Variants in HNMT observed in about 807,000 individuals in gnomAD.
The protein encoded by HNMT is histamine N-methyltransferase.
A neutral mutation model predicts 32.1 loss-of-function variants in HNMT; 30 were observed. The observed-to-expected ratio is 0.93, with a 90% CI of 0.70 to 1.27. HNMT has a LOEUF of 1.27. Ranked by LOEUF, HNMT falls within the 50% of genes most tolerant of loss-of-function variation. The pLI is 0.00. For synonymous variants in HNMT, 125 were observed against 119.0 expected (o/e 1.05, Z -0.33); for missense variants, 327 against 346.0 (o/e 0.95, Z 0.43).
rs2104998899 is a variant in HNMT at position 138,016,076 on chromosome 2, T to C, written c.*1946T>C. The stretch of plus-strand genomic sequence containing the variant: ...CTATCCCTGTTTTCTTCCTGCACTG[T>C]ATGATAATACCAAAATTTGGGACAG... On this transcript the variant is annotated 3_prime_UTR_variant, in exon 6 of 6. Coordinates refer to ENST00000280097, the MANE Select transcript of HNMT (RefSeq NM_006895.3). The C allele has an allele frequency of 6.6e-6, 1 of 152,250 alleles. No individual in the cohort carries two copies. Among genetic ancestry groups the C allele is most frequent in the Non-Finnish European group, 1.5e-5 (1 of 68,014 alleles). The allele number at this position is 152,250 out of a possible 1,614,324, so 9.4% of individuals were successfully genotyped here.
intron 2 of HNMT, 104 bp downstream of exon 2, chr2:137,970,321 G>A (rs761361580): frequency 8.6e-6 from 5 of 582,418 alleles, no homozygotes; most frequent in Middle Eastern, 4.2e-4. Context: ...TTTGCTTTTG[G>A]AAGAGATCGG....
intron 2 of HNMT, among the ~76,000 whole-genome samples, chr2:137,996,470 C>A (rs1184366130): frequency 6.6e-6 from 1 of 150,586 alleles, no homozygotes; most frequent in Admixed American, 6.6e-5. Flanking sequence ...ACAAGGGATG[C>A]AAAGGACCTC....
chr2:137,978,372 CAT>C (rs1221524676), intron 2 of HNMT, among the ~76,000 whole-genome samples: 4 of 142,864 alleles, frequency 2.8e-5, no homozygotes, highest in Admixed American at 1.4e-4. Context: ...TTATACAATA[CAT>C]ATGATTATAT....
intron 5 of HNMT, among the ~76,000 whole-genome samples, chr2:138,008,532 G>C (rs867638922): frequency 6.6e-6 from 1 of 151,700 alleles, no homozygotes; most frequent in Non-Finnish European, 1.5e-5. Flanking sequence ...CCATACTATA[G>C]GGGGGTACAA....
intron 2 of HNMT, among the ~76,000 whole-genome samples, chr2:137,980,481 G>C (rs183803753): frequency 6.6e-6 from 1 of 152,320 alleles, no homozygotes; most frequent in East Asian, 1.9e-4. Context: ...GGATGATGCT[G>C]ATCAAGAGAA....
At chr2:137,973,440 A>G (rs1397844188) in intron 2 of HNMT, among the ~76,000 whole-genome samples, 3 of 152,106 alleles carry the variant, frequency 2.0e-5, no homozygotes, top group Admixed American at 1.3e-4. Flanking sequence ...AGAGTTTTGT[A>G]TTGTCCCATG....
At position 137,989,756 on chromosome 2, in the gene HNMT, T is replaced by C. The variant is rs115306248; in HGVS notation, c.191-11162T>C. Among the ~76,000 whole-genome samples, 953 of 152,326 alleles carry C rather than the reference T, an allele frequency of 6.3e-3. 5 individuals carry two copies. Among genetic ancestry groups the C allele is most frequent in the African/African-American group, 0.021 (891 of 41,584 alleles). On this transcript the variant is annotated intron_variant, in intron 2 of 5. Transcript: ENST00000280097. Reference sequence around the variant, plus strand: ...CTGTTGCTCCATATCTTTCCCAGCATTTGTTGTCATTAGTGCTCTGGATTT... The same window carrying C: ...CTGTTGCTCCATATCTTTCCCAGCACTTGTTGTCATTAGTGCTCTGGATTT...
At chr2:137,993,212 T>C (rs1680879052) in intron 2 of HNMT, among the ~76,000 whole-genome samples, 1 of 152,078 alleles carries the variant, frequency 6.6e-6, no homozygotes, top group African/African-American at 2.4e-5. Context: ...GATGGACAAA[T>C]TGACAGAAGT....
chr2:138,004,537 G>T (rs1049929069), intron 4 of HNMT, among the ~76,000 whole-genome samples: 1 of 151,978 alleles, frequency 6.6e-6, no homozygotes, highest in Admixed American at 6.6e-5. Context: ...ACTAGAGATT[G>T]ATCCAGAATT....
At chr2:138,005,760 A>G (rs16840068) in intron 5 of HNMT, among the ~76,000 whole-genome samples, 11,623 of 152,042 alleles carry the variant, frequency 0.076, 1,481 homozygotes, top group African/African-American at 0.26. Context: ...CCAAGGAGGC[A>G]TGTGAGCATG....
chr2:137,980,442 C>T (rs536859293), intron 2 of HNMT, among the ~76,000 whole-genome samples: 7 of 152,246 alleles, frequency 4.6e-5, no homozygotes, highest in African/African-American at 1.7e-4. Flanking sequence ...TGCCTAGCAC[C>T]GAGTATACTT....
chr2:137,972,155 A>T (rs1206285722), intron 2 of HNMT, among the ~76,000 whole-genome samples: 1 of 152,120 alleles, frequency 6.6e-6, no homozygotes, highest in African/African-American at 2.4e-5. Flanking sequence ...CCCAGGCTAG[A>T]GTACAGTGGC....
At chr2:138,013,754 G>T in intron 5 of HNMT, 21 bp from the exon 6 acceptor site, 2 of 1,578,286 alleles carry the variant, frequency 1.3e-6, no homozygotes, top group South Asian at 1.1e-5. Flanking sequence ...ATGAAAGCAT[G>T]ACTTGTGTTT....
intron 2 of HNMT, among the ~76,000 whole-genome samples, chr2:137,994,970 A>G (rs1680944724): frequency 1.3e-5 from 2 of 152,210 alleles, no homozygotes; most frequent in South Asian, 4.1e-4. Context: ...GAAACCAACA[A>G]GAACAAAGAG....
intron 4 of HNMT, among the ~76,000 whole-genome samples, chr2:138,003,164 G>A (rs1221410118): frequency 6.6e-6 from 1 of 150,692 alleles, no homozygotes; most frequent in African/African-American, 2.4e-5. Context: ...CAGCGCACCA[G>A]CATGGCACAT....
chr2:137,996,148 A>T (rs562839745), intron 2 of HNMT, among the ~76,000 whole-genome samples: 1 of 152,368 alleles, frequency 6.6e-6, no homozygotes, highest in South Asian at 2.1e-4. Context: ...CCTATTCAAC[A>T]TAGTATTGGA....
At chr2:138,012,129 T>A (rs1192072800) in intron 5 of HNMT, among the ~76,000 whole-genome samples, 1 of 152,132 alleles carries the variant, frequency 6.6e-6, no homozygotes, top group Non-Finnish European at 1.5e-5. Context: ...GCAAACTAAT[T>A]CATGTATTTT....
chr2:137,985,260 G>A (rs758497731), intron 2 of HNMT, among the ~76,000 whole-genome samples: 23 of 151,892 alleles, frequency 1.5e-4, no homozygotes, highest in Non-Finnish European at 3.1e-4. Context: ...TCCCTTGACT[G>A]CCTTGGGATC....
chr2:137,983,894 G>A (rs1680575536), intron 2 of HNMT, among the ~76,000 whole-genome samples: 1 of 152,168 alleles, frequency 6.6e-6, no homozygotes, highest in African/African-American at 2.4e-5. Flanking sequence ...CCTTCCATTT[G>A]CTGCTTCTTA....
Sources: allele counts gnomAD v4.1 joint callset (sites outside exome capture counted in the v4.1 genomes callset), GRCh38; gene constraint gnomAD v4.1.1; transcripts MANE v1.5; gene names NCBI Gene and HGNC (gene_info 2026-07-23, HGNC 2026-07-21).